PTPRT: variants seen among roughly 807,000 people sequenced by gnomAD.
PTPRT encodes the protein protein tyrosine phosphatase receptor type T.
Under a neutral mutation model 176.8 loss-of-function variants are expected in PTPRT, and 56 were observed. The observed-to-expected ratio is 0.32, with a 90% CI of 0.26 to 0.40. PTPRT has a LOEUF of 0.40. Among genes scored for constraint, PTPRT ranks in the 10% least tolerant of loss-of-function variants. The probability of loss-of-function intolerance (pLI) is 1.00; values close to 1 mark genes in which losing one functional copy is unlikely to be tolerated. For synonymous variants in PTPRT, 783 were observed against 739.0 expected, an observed-to-expected ratio of 1.06 and a Z score of -0.96; for missense variants, 1,540 against 1,908.2, an observed-to-expected ratio of 0.81 and a Z score of 3.60.
rs149639724 is a variant in PTPRT at position 42,761,186 on chromosome 20, G to C, written c.685-4550C>G. Among the ~76,000 whole-genome samples the C allele has an allele frequency of 8.6e-3, 1,309 of 152,232 alleles. 25 individuals are homozygous for C. Among genetic ancestry groups the C allele is most frequent in the African/African-American group, 0.03 (1,235 of 41,502 alleles). ...ACGGTGGCTGACGCCTGTAATCCCA[G>C]CACTTTGGGAGGCCCAGGCAGGTGG... On this transcript the variant is annotated intron_variant, in intron 5 of 30. Transcript: ENST00000373187.
At chr20:42,208,735 T>C (rs963203421) in intron 15 of PTPRT, among the ~76,000 whole-genome samples, 11 of 152,096 alleles carry the variant, frequency 7.2e-5, no homozygotes, top group African/African-American at 1.2e-4. Context: ...GACAGATCAA[T>C]GAGACAGAAA....
intron 16 of PTPRT, among the ~76,000 whole-genome samples, chr20:42,184,828 G>T (rs1244674229): frequency 8.0e-5 from 12 of 150,256 alleles, no homozygotes; most frequent in Non-Finnish European, 1.5e-4. Flanking sequence ...CAGAGATGGG[G>T]TTTCGCCATG....
intron 1 of PTPRT, among the ~76,000 whole-genome samples, chr20:43,183,316 T>C (rs1291316808): frequency 1.3e-5 from 2 of 152,226 alleles, no homozygotes; most frequent in African/African-American, 4.8e-5. Flanking sequence ...GTGCCTGTTT[T>C]CTGCCGGGGA....
intron 11 of PTPRT, among the ~76,000 whole-genome samples, chr20:42,332,260 A>C (rs1349869363): frequency 1.3e-5 from 2 of 151,992 alleles, no homozygotes; most frequent in Non-Finnish European, 2.9e-5. Flanking sequence ...CCCAGGCTGG[A>C]GCGCAGTGGC....
intron 15 of PTPRT, among the ~76,000 whole-genome samples, chr20:42,209,463 A>G (rs1054164434): frequency 1.4e-4 from 21 of 152,080 alleles, no homozygotes; most frequent in African/African-American, 3.9e-4. Context: ...GATAAAGGGG[A>G]TATCACCACC....
intron 14 of PTPRT, among the ~76,000 whole-genome samples, chr20:42,238,693 A>G (rs1271159921): frequency 2.0e-5 from 3 of 152,190 alleles, no homozygotes; most frequent in African/African-American, 7.2e-5. Context: ...GCTCATTGTG[A>G]CATCTTGGGC....
intron 7 of PTPRT, among the ~76,000 whole-genome samples, chr20:42,535,163 T>C (rs1227012007): frequency 3.9e-5 from 6 of 152,158 alleles, no homozygotes; most frequent in African/African-American, 1.4e-4. Context: ...AATGAGATCA[T>C]GTCCTTTGCA....
chr20:42,392,760 T>A (rs1368842394), intron 9 of PTPRT, among the ~76,000 whole-genome samples: 1 of 152,074 alleles, frequency 6.6e-6, no homozygotes, highest in Non-Finnish European at 1.5e-5. Context: ...GGAATTCACA[T>A]GGAAAAGGAC....
chr20:42,230,192 A>G (rs556928739), intron 15 of PTPRT, among the ~76,000 whole-genome samples: 4 of 152,326 alleles, frequency 2.6e-5, no homozygotes, highest in Non-Finnish European at 5.9e-5. Context: ...GGAGATCAGA[A>G]GGCTATAGAA....
chr20:43,060,908 A>G (rs1987428727), intron 1 of PTPRT, among the ~76,000 whole-genome samples: 1 of 152,246 alleles, frequency 6.6e-6, no homozygotes, highest in Non-Finnish European at 1.5e-5. Context: ...TATAGGTGTT[A>G]CAGGAGTGCA....
Position 43,164,450 on chromosome 20 carries a change from C to T in PTPRT, c.88+25196G>A, listed in dbSNP as rs115227006. ...ATAGCTGATACCATTAACCTATTAA[C>T]ACACCCAAGCTTATGTGGACAGAAA... On this transcript the variant is annotated intron_variant, in intron 1 of 30. Coordinates refer to ENST00000373187, the MANE Select transcript of PTPRT (RefSeq NM_007050.6). Among the ~76,000 whole-genome samples, 615 of 152,276 alleles carry T rather than the reference C, an allele frequency of 4.0e-3. 4 individuals carry two copies. Among genetic ancestry groups the T allele is most frequent in the African/African-American group, 0.014 (577 of 41,570 alleles).
At chr20:43,084,800 T>C (rs543326320) in intron 1 of PTPRT, among the ~76,000 whole-genome samples, 7 of 152,252 alleles carry the variant, frequency 4.6e-5, no homozygotes, top group Admixed American at 2.6e-4. Flanking sequence ...AGAACAAAAA[T>C]ATCAGAAGGA....
chr20:42,513,080 G>A (rs546024375), intron 7 of PTPRT, among the ~76,000 whole-genome samples: 1 of 152,018 alleles, frequency 6.6e-6, no homozygotes, highest in Middle Eastern at 3.4e-3. Flanking sequence ...GGCTGGTCTC[G>A]AACTCCTGAC....
intron 27 of PTPRT, among the ~76,000 whole-genome samples, chr20:42,093,387 G>C (rs1457200840): frequency 6.6e-6 from 1 of 152,186 alleles, no homozygotes; most frequent in Non-Finnish European, 1.5e-5. Context: ...AAATCTGTAA[G>C]GTTGAATGCA....
At chr20:42,254,104 C>T (rs533239883) in intron 13 of PTPRT, among the ~76,000 whole-genome samples, 1 of 152,256 alleles carries the variant, frequency 6.6e-6, no homozygotes, top group South Asian at 2.1e-4. Context: ...TCTGCTGCCT[C>T]CTCCCATGCT....
At chr20:42,695,368 C>T (rs1310665689) in intron 6 of PTPRT, among the ~76,000 whole-genome samples, 1 of 152,162 alleles carries the variant, frequency 6.6e-6, no homozygotes, top group African/African-American at 2.4e-5. Flanking sequence ...GGTGTTCAGT[C>T]AAATATTTGG....
At chr20:42,834,691 C>T (rs2078151096) in intron 2 of PTPRT, among the ~76,000 whole-genome samples, 1 of 151,950 alleles carries the variant, frequency 6.6e-6, no homozygotes, top group African/African-American at 2.4e-5. Flanking sequence ...TTCACCGTAC[C>T]CCACCACCCT....
intron 7 of PTPRT, among the ~76,000 whole-genome samples, chr20:42,513,882 A>T (rs1475127191): frequency 3.3e-5 from 5 of 152,216 alleles, no homozygotes; most frequent in African/African-American, 1.2e-4. Flanking sequence ...ATGGAATCAT[A>T]GTGAATGCAT....
At chr20:42,054,556 G>A in the PTPRT span, among the ~76,000 whole-genome samples, 2 of 152,164 alleles carry the variant, frequency 1.3e-5, no homozygotes, top group Non-Finnish European at 2.9e-5. Context: ...GCATTTCTCT[G>A]TTGGTGTCTG....
Sources: allele counts gnomAD v4.1 joint callset (sites outside exome capture counted in the v4.1 genomes callset), GRCh38; gene constraint gnomAD v4.1.1; transcripts MANE v1.5; gene names NCBI Gene and HGNC (gene_info 2026-07-23, HGNC 2026-07-21).